Variants in CAST observed in about 807,000 individuals in gnomAD.
CAST encodes the protein calpastatin.
A neutral mutation model predicts 119.6 loss-of-function variants in CAST; 76 were observed. The observed-to-expected ratio is 0.64, with a 90% CI of 0.53 to 0.77. The LOEUF (loss-of-function observed/expected upper bound fraction) is 0.77, where lower values mean the gene tolerates loss of function less well. CAST is among the 30% of genes least tolerant of loss of function. The pLI, the probability that CAST is intolerant of heterozygous loss-of-function variation, is 0.00. For synonymous variants in CAST, 319 were observed against 331.6 expected (o/e 0.96, Z 0.41); for missense variants, 953 against 946.5 (o/e 1.01, Z -0.09).
intron 1 of CAST, among the ~76,000 whole-genome samples, chr5:96,640,358 T>A (rs1329964485): frequency 6.6e-6 from 1 of 152,202 alleles, no homozygotes; most frequent in African/African-American, 2.4e-5. Flanking sequence ...AAATAGCATA[T>A]GCAATATGTT....
chr5:96,410,935 G>GC, the CAST span: 3 of 1,613,864 alleles, frequency 1.9e-6, no homozygotes, highest in Middle Eastern at 1.7e-4. Context: ...TCTCCCTGAC[G>GC]CCCCCCGTTT....
chr5:96,715,772 C>T (rs573750814), intron 3 of CAST, among the ~76,000 whole-genome samples: 13 of 152,216 alleles, frequency 8.5e-5, no homozygotes, highest in African/African-American at 1.4e-4. Context: ...CTCTTCTGAC[C>T]GCCTGTAGCA....
intron 6 of CAST, 63 bp from the exon 7 acceptor site, chr5:96,729,090 T>C: frequency 1.9e-6 from 2 of 1,028,144 alleles, no homozygotes; most frequent in Non-Finnish European, 3.0e-6. Flanking sequence ...GTTCTTGTTC[T>C]TGTTTGAAAG....
At chr5:96,401,616 G>T in the CAST span, among the ~76,000 whole-genome samples, 1 of 152,162 alleles carries the variant, frequency 6.6e-6, no homozygotes, top group Non-Finnish European at 1.5e-5. Flanking sequence ...TCCTTGATCA[G>T]CCTATTTAAA....
At chr5:96,252,645 T>C in the CAST span, among the ~76,000 whole-genome samples, 3 of 152,154 alleles carry the variant, frequency 2.0e-5, no homozygotes, top group Non-Finnish European at 2.9e-5. Flanking sequence ...TCAATGTCAA[T>C]TCTTGATAAG....
At chr5:96,175,387 G>A in the CAST span, among the ~76,000 whole-genome samples, 3 of 152,058 alleles carry the variant, frequency 2.0e-5, no homozygotes, top group Non-Finnish European at 4.4e-5. Context: ...AAATTATCGA[G>A]TATCTACTGA....
chr5:96,744,833 C>G (rs1763416829), intron 16 of CAST, among the ~76,000 whole-genome samples: 1 of 152,152 alleles, frequency 6.6e-6, no homozygotes, highest in Non-Finnish European at 1.5e-5. Flanking sequence ...AGAGAGGAAA[C>G]CCATGCCTAC....
the CAST span, among the ~76,000 whole-genome samples, chr5:95,987,727 C>A: frequency 6.6e-6 from 1 of 152,174 alleles, no homozygotes; most frequent in East Asian, 1.9e-4. Context: ...CAAAGGTAGC[C>A]ATGTGGCACA....
chr5:96,604,754 C>G (rs1747220581), intron 1 of CAST, among the ~76,000 whole-genome samples: 1 of 152,168 alleles, frequency 6.6e-6, no homozygotes. Context: ...ATGTAGACTG[C>G]CTAACGTCCA....
At chr5:96,150,698 G>C in the CAST span, among the ~76,000 whole-genome samples, 1 of 152,160 alleles carries the variant, frequency 6.6e-6, no homozygotes, top group Non-Finnish European at 1.5e-5. Context: ...TACGGAGTGA[G>C]GTGACTCTGG....
At chr5:96,136,403 A>C in the CAST span, among the ~76,000 whole-genome samples, 2 of 152,036 alleles carry the variant, frequency 1.3e-5, no homozygotes, top group African/African-American at 2.4e-5. Flanking sequence ...TCTGGGACTA[A>C]AGATACTCCA....
intron 1 of CAST, among the ~76,000 whole-genome samples, chr5:96,670,067 T>C (rs1229551525): frequency 6.6e-6 from 1 of 152,294 alleles, no homozygotes. Flanking sequence ...TAGAAGCCTT[T>C]CTCAGTGTGT....
At chr5:96,420,668 CAAAG>C in the CAST span, among the ~76,000 whole-genome samples, 1 of 134,252 alleles carries the variant, frequency 7.4e-6, no homozygotes, top group African/African-American at 2.8e-5. Context: ...GAAGACTATC[CAAAG>C]AAAGAAATAA....
chr5:96,245,408 T>C, the CAST span, among the ~76,000 whole-genome samples: 1 of 152,218 alleles, frequency 6.6e-6, no homozygotes, highest in Admixed American at 6.5e-5. Flanking sequence ...TTAACTGTTC[T>C]AACACTCATA....
At chr5:96,228,024 T>C in the CAST span, among the ~76,000 whole-genome samples, 2 of 151,222 alleles carry the variant, frequency 1.3e-5, no homozygotes, top group Non-Finnish European at 2.9e-5. Flanking sequence ...TGTGTGTGTG[T>C]GTGCACGCAC....
chr5:96,248,598 G>A, the CAST span, among the ~76,000 whole-genome samples: 1 of 152,124 alleles, frequency 6.6e-6, no homozygotes, highest in Non-Finnish European at 1.5e-5. Flanking sequence ...AAAGATGCTC[G>A]ATAATTAATG....
the CAST span, among the ~76,000 whole-genome samples, chr5:96,194,177 T>C: frequency 3.9e-5 from 6 of 152,178 alleles, no homozygotes; most frequent in Non-Finnish European, 8.8e-5. Context: ...TTGAACCCTG[T>C]TCCCTGATGA....
At chr5:96,504,492 G>A in the CAST span, among the ~76,000 whole-genome samples, 2 of 151,340 alleles carry the variant, frequency 1.3e-5, no homozygotes, top group Admixed American at 6.6e-5. Flanking sequence ...ATTTGCAATC[G>A]TATCCCAAGG....
chr5:96,156,854 G>A, the CAST span, among the ~76,000 whole-genome samples: 1 of 152,152 alleles, frequency 6.6e-6, no homozygotes, highest in Non-Finnish European at 1.5e-5. Context: ...CCAGTTTTTA[G>A]GGTGCCTTTG....
Sources: allele counts gnomAD v4.1 joint callset (sites outside exome capture counted in the v4.1 genomes callset), GRCh38; gene constraint gnomAD v4.1.1; transcripts MANE v1.5; gene names NCBI Gene and HGNC (gene_info 2026-07-23, HGNC 2026-07-21).